Variants in CIB2 observed in about 807,000 individuals in gnomAD.
CIB2 encodes the protein calcium and integrin binding family member 2.
In CIB2, 19 loss-of-function variants were observed where a neutral mutation model predicts 23.1. That is an observed-to-expected ratio of 0.82 (90% confidence interval 0.57 to 1.21). CIB2 has a LOEUF of 1.21. Among genes scored for constraint, CIB2 ranks in the 50% most tolerant of loss-of-function variants. The probability of loss-of-function intolerance (pLI) is 0.00; values close to 1 mark genes in which losing one functional copy is unlikely to be tolerated. For missense variants in CIB2, 220 were observed against 241.5 expected (o/e 0.91, Z 0.59); for synonymous variants, 94 against 91.7 (o/e 1.03, Z -0.14).
intron 1 of CIB2, among the ~76,000 whole-genome samples, chr15:78,124,040 G>A (rs141583552): frequency 7.6e-4 from 116 of 152,206 alleles, no homozygotes; most frequent in Middle Eastern, 3.4e-3. Flanking sequence ...ACAGGTATGC[G>A]TGGCTGATTT....
chr15:78,115,398 TA>T (rs1269067865), intron 2 of CIB2, among the ~76,000 whole-genome samples: 16 of 151,804 alleles, frequency 1.1e-4, no homozygotes, highest in African/African-American at 3.6e-4. Context: ...TAGCTGGAAT[TA>T]CAGGGGCATG....
chr15:78,111,680 G>A (rs1237157647), intron 2 of CIB2, among the ~76,000 whole-genome samples: 1 of 152,194 alleles, frequency 6.6e-6, no homozygotes, highest in African/African-American at 2.4e-5. Context: ...GCAGACAGAT[G>A]CATCCTGACC....
chr15:78,131,244 C>T lies in CIB2; in HGVS notation c.-29G>A. 6.8e-7 allele frequency: 1 copy of T among 1,473,400 alleles called. No homozygotes were observed. The highest frequency in any genetic ancestry group is 9.0e-7 in the Non-Finnish European group (1 of 1,107,000). 91.3% of individuals were successfully genotyped at this position (1,473,400 alleles called of 1,614,324 possible). A position where few individuals can be genotyped will look rare whatever the true frequency, so the allele number is the denominator to read the frequency against. On this transcript the variant is annotated 5_prime_UTR_variant, in exon 1 of 6. Coordinates refer to ENST00000258930, the MANE Select transcript of CIB2 (RefSeq NM_006383.4). This position sits in a 1 kb window ranked among gnomAD's most constrained non-coding sequence, Gnocchi z 5.8. The stretch of plus-strand genomic sequence containing the variant: ...GGCCGCCGCGCCGCCGCTCGCCCGC[C>T]CGGGCTCCGACTCCCATCAGCGGCC...
chr15:78,121,674 G>A (rs1014013567), intron 2 of CIB2, among the ~76,000 whole-genome samples: 2 of 152,162 alleles, frequency 1.3e-5, no homozygotes, highest in African/African-American at 4.8e-5. Context: ...TGTGAGGAAG[G>A]ATGTGTTTGC....
At chr15:78,109,477 T>G in intron 3 of CIB2, 95 bp from the exon 4 acceptor site, 1 of 1,405,630 alleles carries the variant, frequency 7.1e-7, no homozygotes, top group Non-Finnish European at 1.0e-6. Flanking sequence ...CCTGGAGGAG[T>G]GACCAAATCC....
At chr15:78,124,661 A>T (rs1262826920) in intron 1 of CIB2, among the ~76,000 whole-genome samples, 1 of 152,108 alleles carries the variant, frequency 6.6e-6, no homozygotes, top group Non-Finnish European at 1.5e-5. Context: ...CCTGCTGTTT[A>T]GCTCCTCCGC....
At chr15:78,122,229 T>C (rs946642286) in intron 2 of CIB2, among the ~76,000 whole-genome samples, 2 of 151,406 alleles carry the variant, frequency 1.3e-5, no homozygotes, top group Non-Finnish European at 2.9e-5. Flanking sequence ...GATTCTGGAG[T>C]TGGGTCTGGA....
At chr15:78,121,113 G>C (rs374849468) in intron 2 of CIB2, among the ~76,000 whole-genome samples, 1 of 152,164 alleles carries the variant, frequency 6.6e-6, no homozygotes, top group Non-Finnish European at 1.5e-5. Context: ...TCCCTCTAGG[G>C]ACAGGCAATC....
In CIB2 at chr15:78,105,167, T is replaced by C. The variant is rs2074046723; in HGVS notation, c.*144A>G. The C allele has an allele frequency of 8.6e-7, 1 of 1,167,548 alleles. No homozygotes were observed. Among genetic ancestry groups the C allele is most frequent in the Admixed American group, 2.4e-5 (1 of 41,486 alleles). The allele number at this position is 1,167,548 out of a possible 1,614,324, so 72.3% of individuals were successfully genotyped here. ...GGCCCCCTTCCTGGTTAAGGTTTTTTTTTTGCTGAAAGGGCCACAGGATAT... is the reference window on the plus strand; with the variant it reads ...GGCCCCCTTCCTGGTTAAGGTTTTTCTTTTGCTGAAAGGGCCACAGGATAT... On this transcript the variant is annotated 3_prime_UTR_variant, in exon 6 of 6. Coordinates refer to ENST00000258930, the MANE Select transcript of CIB2 (RefSeq NM_006383.4).
intron 4 of CIB2, 35 bp downstream of exon 4, chr15:78,109,200 C>CCGCATATTCA: frequency 8.6e-7 from 1 of 1,159,174 alleles, no homozygotes. Flanking sequence ...GTTCCCCCAC[C>CCGCATATTCA]GCATATTCAG....
intron 4 of CIB2, among the ~76,000 whole-genome samples, chr15:78,108,373 A>G (rs1384622864): frequency 6.6e-6 from 1 of 152,148 alleles, no homozygotes; most frequent in Admixed American, 6.5e-5. Flanking sequence ...GGCCTTAGGC[A>G]TCTCAACTGA....
In CIB2 at chr15:78,109,397, C is replaced by A. The variant is rs755699237; in HGVS notation, c.199-15G>T. The A allele has an allele frequency of 4.3e-6, 7 of 1,613,934 alleles. No homozygotes were observed. The highest frequency in any genetic ancestry group is 1.6e-4 in the Middle Eastern group (1 of 6,062). ...AAGGGATTCTCCTGAAGAAAACACACACAGCAATCACTGTGGGTGCAGGAT... is the reference window on the plus strand; with the variant it reads ...AAGGGATTCTCCTGAAGAAAACACAAACAGCAATCACTGTGGGTGCAGGAT... On this transcript the variant is annotated splice_polypyrimidine_tract_variant and intron_variant, in intron 3 of 5. Transcript: ENST00000258930.
At chr15:78,109,118 G>C (rs2074113672) in intron 4 of CIB2, 117 bp downstream of exon 4, 2 of 1,202,130 alleles carry the variant, frequency 1.7e-6, no homozygotes, top group South Asian at 1.5e-5. Context: ...TCAGAGGACA[G>C]ATCAGCTTCA....
In CIB2 at chr15:78,104,638, TG is replaced by T. The variant is rs1204258071; in HGVS notation, c.*672del. 2.0e-5 allele frequency: 3 copies of T among 152,848 alleles called. No individual in the cohort carries two copies. The highest frequency in any genetic ancestry group is 7.2e-5 in the African/African-American group (3 of 41,448). The allele number at this position is 152,848 out of a possible 1,614,324, so 9.5% of individuals were successfully genotyped here. On this transcript the variant is annotated 3_prime_UTR_variant, in exon 6 of 6. Coordinates refer to ENST00000258930, the MANE Select transcript of CIB2 (RefSeq NM_006383.4). The surrounding 1 kb of genome is among the most constrained non-coding windows in gnomAD (Gnocchi z 4.4). ...AAACATTTCCTAACATTAGCATACA[TG>T]GAGAGCAAAGGGATGCAAAAGTGTT...
intron 2 of CIB2, among the ~76,000 whole-genome samples, chr15:78,117,107 T>C (rs1277599053): frequency 1.3e-5 from 2 of 151,706 alleles, no homozygotes; most frequent in African/African-American, 4.8e-5. Context: ...AAAGACTTAA[T>C]GCTGTAATGA....
chr15:78,105,842 G>T lies in CIB2; in HGVS notation c.439C>A (p.Leu147Ile), dbSNP rs1212354466. 1 of 1,614,200 alleles carries T rather than the reference G, an allele frequency of 6.2e-7. No individual in the cohort carries two copies. Among genetic ancestry groups the T allele is most frequent in the Non-Finnish European group, 8.5e-7 (1 of 1,180,036 alleles). The change falls in exon 5 of 6, where the codon CTT becomes ATT. Residue 147 changes from leucine to isoleucine, a missense_variant. By Grantham distance (5) the Leu-to-Ile change is conservative (BLOSUM62 2). Transcript: ENST00000258930. ...KSELDEEEVV[L>I]VCDKVIEEAD... is the part of the protein sequence containing the mutation. ...TCCTCAATGACCTTGTCGCACACAAGCACCACCTCCTCCTCATCCAGCTCT... is the reference window on the plus strand; with the variant it reads ...TCCTCAATGACCTTGTCGCACACAATCACCACCTCCTCCTCATCCAGCTCT...
intron 2 of CIB2, among the ~76,000 whole-genome samples, chr15:78,111,801 A>G (rs2074164547): frequency 6.6e-6 from 1 of 152,112 alleles, no homozygotes; most frequent in Admixed American, 6.5e-5. Flanking sequence ...GGGAAATCCA[A>G]GCAGAAACTC....
At chr15:78,128,755 C>T (rs1294265810) in intron 1 of CIB2, among the ~76,000 whole-genome samples, 1 of 131,836 alleles carries the variant, frequency 7.6e-6, no homozygotes, top group Non-Finnish European at 1.6e-5. Context: ...ACTAAGAGGG[C>T]GGGTGGCTGG....
chr15:78,112,200 ATGTCCACT>A (rs2074170877), intron 2 of CIB2, among the ~76,000 whole-genome samples: 1 of 151,740 alleles, frequency 6.6e-6, no homozygotes, highest in Non-Finnish European at 1.5e-5. Flanking sequence ...TCTTTGCCCT[ATGTCCACT>A]TGTCCAGGTC....
Sources: allele counts gnomAD v4.1 joint callset (sites outside exome capture counted in the v4.1 genomes callset), GRCh38; gene constraint gnomAD v4.1.1; non-coding constraint Gnocchi (gnomAD v3.1); transcripts MANE v1.5; gene names NCBI Gene and HGNC (gene_info 2026-07-23, HGNC 2026-07-21).